The following ST3GAL1 variants were observed in gnomAD, a reference collection of about 807,000 sequenced individuals.
The protein encoded by ST3GAL1 is ST3 beta-galactoside alpha-2,3-sialyltransferase 1.
A neutral mutation model predicts 34.1 loss-of-function variants in ST3GAL1; 16 were observed. The ratio of observed to expected loss-of-function variants is 0.47; its 90% CI spans 0.32 to 0.71. ST3GAL1 has a LOEUF of 0.71. Ranked by LOEUF, ST3GAL1 falls within the 30% of genes least tolerant of loss-of-function variation. The pLI is 0.04. For missense variants in ST3GAL1, 353 were observed against 447.4 expected, an observed-to-expected ratio of 0.79 and a Z score of 1.90; for synonymous variants, 191 against 184.7, an observed-to-expected ratio of 1.03 and a Z score of -0.28.
Position 133,533,613 on chromosome 8 carries a change from C to T in ST3GAL1, c.-429+12161G>A, listed in dbSNP as rs141125568. 1.5e-3 allele frequency among the ~76,000 whole-genome samples: 225 copies of T among 152,316 alleles called. 1 individual carries two copies. The highest frequency in any genetic ancestry group is 5.1e-3 in the African/African-American group (214 of 41,566). On this transcript the variant is annotated intron_variant, in intron 2 of 9. Transcript: ENST00000522652. ...CCCATTGGAGGCAGATCCACTTGCCCGTCAAACAATCCCACTGTGGCTGTA... is the reference window on the plus strand; with the variant it reads ...CCCATTGGAGGCAGATCCACTTGCCTGTCAAACAATCCCACTGTGGCTGTA...
In ST3GAL1 at chr8:133,556,660, T is replaced by G; in HGVS notation, c.-581-10734A>C. On this transcript the variant is annotated intron_variant, in intron 1 of 9. Coordinates refer to ENST00000522652, the MANE Select transcript of ST3GAL1 (RefSeq NM_173344.3). The surrounding 1 kb of genome is among the most constrained non-coding windows in gnomAD (Gnocchi z 8.9). ...GAGGGAGAAAAAGAAGGAACGAAAA[T>G]GGGAAGGAAGAGAAGGGAGAAAGAA... Among the ~76,000 whole-genome samples the G allele has an allele frequency of 6.6e-6, 1 of 151,288 alleles. No homozygotes were observed. The highest frequency in any genetic ancestry group is 2.4e-5 in the African/African-American group (1 of 41,080).
rs1816421029 is a variant in ST3GAL1, at chr8:133,482,260, G to C, written c.-373-5660C>G. Among the ~76,000 whole-genome samples the C allele has an allele frequency of 2.0e-5, 3 of 152,182 alleles. No individual in the cohort carries two copies. The South Asian group carries it at 6.2e-4, about 31-fold the overall frequency. The stretch of plus-strand genomic sequence containing the variant: ...GTTTTTCCAGCTTTTATAGTTCTCA[G>C]TGGGAGAAAAGATCTGGTACAAGCT... On this transcript the variant is annotated intron_variant, in intron 3 of 9. Coordinates refer to ENST00000522652, the MANE Select transcript of ST3GAL1 (RefSeq NM_173344.3).
intron 3 of ST3GAL1, among the ~76,000 whole-genome samples, chr8:133,485,779 GGGTGGAGCTTTGGGGGGGAT>G (rs1816567664): frequency 1.3e-5 from 2 of 149,086 alleles, no homozygotes; most frequent in Admixed American, 6.7e-5. Flanking sequence ...TGAAAAGAGA[GGGTGGAGCTTTGGGGGGGAT>G]AGAAGGTCGG....
chr8:133,570,325 A>G lies in ST3GAL1; in HGVS notation c.-582+1368T>C, dbSNP rs1489557910. 2 of 152,268 alleles carry G rather than the reference A, an allele frequency of 1.3e-5. No homozygotes were observed. Among genetic ancestry groups the G allele is most frequent in the Non-Finnish European group, 2.9e-5 (2 of 68,056 alleles). 9.4% of individuals were successfully genotyped at this position (152,268 alleles called of 1,614,324 possible). On this transcript the variant is annotated intron_variant, in intron 1 of 9. Transcript: ENST00000522652. This position sits in a 1 kb window ranked among gnomAD's most constrained non-coding sequence, Gnocchi z 5.6. The stretch of plus-strand genomic sequence containing the variant: ...CACGAGAAAGCCGGGCGAATGCCTG[A>G]TGCAGGGACGCGGCGAGCCAGTCAC...
intron 3 of ST3GAL1, among the ~76,000 whole-genome samples, chr8:133,486,772 C>T (rs563393614): frequency 6.6e-6 from 1 of 152,324 alleles, no homozygotes; most frequent in South Asian, 2.1e-4. Flanking sequence ...AGAACACCCA[C>T]CCCCAACCCC....
intron 3 of ST3GAL1, among the ~76,000 whole-genome samples, chr8:133,478,150 T>TC (rs945278446): frequency 4.6e-5 from 7 of 152,206 alleles, no homozygotes; most frequent in Non-Finnish European, 8.8e-5. Flanking sequence ...TCCACAGGTA[T>TC]CCCATCCAAT....
chr8:133,552,313 G>T (rs915187384), intron 1 of ST3GAL1, among the ~76,000 whole-genome samples: 1 of 152,214 alleles, frequency 6.6e-6, no homozygotes, highest in African/African-American at 2.4e-5. Flanking sequence ...AGATCAGTTC[G>T]CAAATGGGAC....
chr8:133,491,820 C>T (rs760906613), intron 3 of ST3GAL1, among the ~76,000 whole-genome samples: 3 of 152,154 alleles, frequency 2.0e-5, no homozygotes, highest in Non-Finnish European at 2.9e-5. Flanking sequence ...AGGGGTGTCA[C>T]GGTGTCCAGT....
chr8:133,552,695 C>A (rs1818896663), intron 1 of ST3GAL1, among the ~76,000 whole-genome samples: 1 of 152,186 alleles, frequency 6.6e-6, no homozygotes, highest in South Asian at 2.1e-4. Flanking sequence ...GCTGTTCTCA[C>A]TTATAACCTC....
chr8:133,502,005 G>A (rs898778522), intron 2 of ST3GAL1, among the ~76,000 whole-genome samples: 1 of 152,146 alleles, frequency 6.6e-6, no homozygotes, highest in Non-Finnish European at 1.5e-5. Flanking sequence ...CGTGCCTTCT[G>A]TCAACTGCCT....
intron 1 of ST3GAL1, among the ~76,000 whole-genome samples, chr8:133,549,054 C>A (rs1308560261): frequency 1.3e-5 from 2 of 152,206 alleles, no homozygotes; most frequent in East Asian, 3.8e-4. Context: ...TAAAAACCTG[C>A]ATGTATATAT....
chr8:133,473,193 A>G (rs1384652054), intron 5 of ST3GAL1, among the ~76,000 whole-genome samples: 1 of 152,180 alleles, frequency 6.6e-6, no homozygotes, highest in Non-Finnish European at 1.5e-5. Context: ...CCTGGGCGAC[A>G]CCAGCCTAAG....
rs1412181459 is a variant in ST3GAL1, at chr8:133,475,808, A to G, written c.217T>C (p.Trp73Arg). The change falls in exon 5 of 10, where the codon TGG becomes CGG. Residue 73 changes from tryptophan (W) to arginine (R), a missense_variant. Transcript: ENST00000522652. ...GTCTGGTTGAACCTCTCATCGAACC[A>G]GGCCGAGAGCTTGCGCTGCCCGATG... ...HCIGQRKLSA[W>R]FDERFNQTMQ... The G allele has an allele frequency of 6.2e-7, 1 of 1,614,024 alleles. No individual in the cohort carries two copies.
In ST3GAL1 at chr8:133,455,970, C is replaced by A. The variant is rs1286252643; in HGVS notation, c.*3794G>T. On this transcript the variant is annotated 3_prime_UTR_variant, in exon 10 of 10. Transcript: ENST00000522652. The stretch of plus-strand genomic sequence containing the variant: ...TGGGATTCCATCAAAGCCTCTCAAC[C>A]AGCCGTTTCCCTAAAGAATCACCCA... 2 of 152,190 alleles carry A rather than the reference C, an allele frequency of 1.3e-5. No homozygotes were observed. Among genetic ancestry groups the A allele is most frequent in the African/African-American group, 2.4e-5 (1 of 41,448 alleles). 9.4% of individuals were successfully genotyped at this position (152,190 alleles called of 1,614,324 possible).
At chr8:133,514,913 T>G (rs1173244813) in intron 2 of ST3GAL1, among the ~76,000 whole-genome samples, 1 of 152,142 alleles carries the variant, frequency 6.6e-6, no homozygotes, top group Non-Finnish European at 1.5e-5. Context: ...CATTGCCATG[T>G]GCCGTCCTCC....
At position 133,459,894 on chromosome 8, in the gene ST3GAL1, T is replaced by C. The variant is rs1383742441; in HGVS notation, c.893A>G (p.His298Arg). 6.2e-7 allele frequency: 1 copy of C among 1,613,842 alleles called. No homozygotes were observed. The highest frequency in any genetic ancestry group is 8.5e-7 in the Non-Finnish European group (1 of 1,179,922). ...GGATGGGTTGTTCTCCCAGTAGTGG[T>C]GCCAGTTCCCTTTGCTGTCTGCCCC... The part of the protein sequence containing the change: ...GFGADSKGNW[H>R]HYWENNPSAG... The change falls in exon 10 of 10, where the codon CAC (histidine) becomes CGC (arginine). Residue 298 changes from histidine to arginine, a missense_variant. Physicochemically the swap from His to Arg is conservative, Grantham distance 29. Transcript: ENST00000522652. This position sits in a 1 kb window ranked among gnomAD's most constrained non-coding sequence, Gnocchi z 4.7.
intron 2 of ST3GAL1, among the ~76,000 whole-genome samples, chr8:133,526,307 C>A (rs1817973837): frequency 6.6e-6 from 1 of 152,124 alleles, no homozygotes. Context: ...CATTCCCCAG[C>A]CAGAGTCTGG....
intron 2 of ST3GAL1, among the ~76,000 whole-genome samples, chr8:133,537,548 A>G (rs910899183): frequency 6.6e-5 from 10 of 152,212 alleles, no homozygotes; most frequent in African/African-American, 1.9e-4. Context: ...GGAACTGTGG[A>G]GGAAATCCAA....
intron 1 of ST3GAL1, among the ~76,000 whole-genome samples, chr8:133,557,304 C>T (rs966515163): frequency 2.6e-5 from 4 of 152,264 alleles, no homozygotes; most frequent in African/African-American, 4.8e-5. Flanking sequence ...TCAACCAACG[C>T]GTGGCACAAT....
Sources: gnomAD v4.1 joint callset for allele counts (sites outside exome capture counted in the v4.1 genomes callset) on GRCh38, gnomAD v4.1.1 for gene constraint, Gnocchi (gnomAD v3.1) non-coding constraint, MANE v1.5 for transcripts, NCBI Gene and HGNC (gene_info 2026-07-23, HGNC 2026-07-21) for gene names.